The following RPS6KA6 variants were observed in gnomAD, a reference collection of about 807,000 sequenced individuals.
The protein encoded by RPS6KA6 is ribosomal protein S6 kinase alpha-6.
RPS6KA6 carries 27 observed loss-of-function variants against 65.4 expected under a neutral mutation model. That is an observed-to-expected ratio of 0.41 (90% CI 0.30 to 0.57). The LOEUF (loss-of-function observed/expected upper bound fraction) is 0.57. RPS6KA6 is among the 20% of genes least tolerant of loss of function. The probability of loss-of-function intolerance (pLI) is 0.24; values close to 1 mark genes in which losing one functional copy is unlikely to be tolerated. For missense variants in RPS6KA6, 486 were observed against 555.6 expected (o/e 0.87, Z 1.26); for synonymous variants, 190 against 184.2 (o/e 1.03, Z -0.26).
In RPS6KA6 at chrX:84,062,962, A is replaced by AGCT. The variant is rs2033325936; in HGVS notation, c.*1312_*1314dup. On this transcript the variant is annotated 3_prime_UTR_variant, in exon 22 of 22. Transcript: ENST00000262752. ...TAGTAGTAGTAGTAGTAGCAGTAGT[A>AGCT]GCTGCTGCTGTTGTTGTAGCAACGG... 9.0e-6 allele frequency: 1 copy of AGCT among 110,803 alleles called. No individual in the cohort carries two copies. Among genetic ancestry groups the AGCT allele is most frequent in the Admixed American group, 9.7e-5 (1 of 10,303 alleles). 9.1% of individuals were successfully genotyped at this position (110,803 alleles called of 1,213,427 possible).
intron 20 of RPS6KA6, among the ~76,000 whole-genome samples, chrX:84,077,287 AAAC>A (rs766089313): frequency 6.4e-4 from 71 of 111,413 alleles, no homozygotes; most frequent in East Asian, 2.8e-4. Flanking sequence ...CAAAATAGCA[AAAC>A]AACAACAAAA....
intron 20 of RPS6KA6, among the ~76,000 whole-genome samples, chrX:84,095,261 C>A (rs1283931992): frequency 1.8e-5 from 2 of 112,288 alleles, no homozygotes; most frequent in Non-Finnish European, 3.8e-5. Context: ...CACATGTTAA[C>A]TATAAGCAAT....
At chrX:84,136,168 G>C (rs1196097485) in intron 6 of RPS6KA6, among the ~76,000 whole-genome samples, 1 of 111,661 alleles carries the variant, frequency 9.0e-6, no homozygotes, top group East Asian at 2.8e-4. Context: ...TCAGCCATTA[G>C]ATGTAATTTT....
At chrX:84,078,412 AACACATGACT>A (rs777550485) in intron 20 of RPS6KA6, among the ~76,000 whole-genome samples, 1 of 111,327 alleles carries the variant, frequency 9.0e-6, no homozygotes, top group Non-Finnish European at 1.9e-5. Context: ...TAAAACATTA[AACACATGACT>A]CAATCATTCT....
chrX:84,150,064 T>G (rs1476689197), intron 3 of RPS6KA6, among the ~76,000 whole-genome samples: 1 of 83,844 alleles, frequency 1.2e-5, no homozygotes, highest in Non-Finnish European at 2.7e-5. Flanking sequence ...ACTTTTATGT[T>G]ACGAAAATGG....
chrX:84,064,046 G>A lies in RPS6KA6; in HGVS notation c.*231C>T, dbSNP rs1016548519. ...TGCAGAGAAGTTGTGAGGACCTGGT[G>A]GACACCAATTATATGCTTAAATAAA... On this transcript the variant is annotated 3_prime_UTR_variant, in exon 22 of 22. Coordinates refer to ENST00000262752, the MANE Select transcript of RPS6KA6 (RefSeq NM_014496.5). 1.9e-5 allele frequency: 6 copies of A among 320,165 alleles called. No homozygotes were observed. Among genetic ancestry groups the A allele is most frequent in the African/African-American group, 1.6e-4 (6 of 37,372 alleles). 26.4% of individuals were successfully genotyped at this position (320,165 alleles called of 1,213,427 possible).
chrX:84,109,002 C>T (rs1356885878), intron 12 of RPS6KA6, among the ~76,000 whole-genome samples: 1 of 111,930 alleles, frequency 8.9e-6, no homozygotes, highest in African/African-American at 3.3e-5. Context: ...TAGAGCCCAG[C>T]CCCCAGAGGC....
At chrX:84,139,670 C>T (rs573218531) in intron 6 of RPS6KA6, among the ~76,000 whole-genome samples, 3 of 112,043 alleles carry the variant, frequency 2.7e-5, no homozygotes, top group South Asian at 7.4e-4. Context: ...GAACTACTAT[C>T]ACCCAATTAA....
At chrX:84,150,908 T>TATAG (rs1477335715) in intron 3 of RPS6KA6, among the ~76,000 whole-genome samples, 10 of 91,043 alleles carry the variant, frequency 1.1e-4, no homozygotes, top group African/African-American at 3.9e-4. Flanking sequence ...ATAGGATATA[T>TATAG]AGAGAGGATA....
At chrX:84,141,878 C>T (rs1437957225) in intron 6 of RPS6KA6, among the ~76,000 whole-genome samples, 1 of 110,781 alleles carries the variant, frequency 9.0e-6, no homozygotes, top group Non-Finnish European at 1.9e-5. Context: ...ATATATGAAA[C>T]AAAAACTAAC....
chrX:84,180,560 GTAAT>G (rs1172285767), intron 1 of RPS6KA6, among the ~76,000 whole-genome samples: 4 of 111,740 alleles, frequency 3.6e-5, no homozygotes, highest in Non-Finnish European at 5.7e-5. Flanking sequence ...ATCCAATAGA[GTAAT>G]TCCTTATTTT....
chrX:84,077,137 A>T (rs762194732), intron 20 of RPS6KA6, among the ~76,000 whole-genome samples: 1 of 111,624 alleles, frequency 9.0e-6, no homozygotes, highest in African/African-American at 3.2e-5. Context: ...AGATAAGAAA[A>T]GTCAATGCTG....
At chrX:84,089,716 G>A (rs1373237699) in intron 20 of RPS6KA6, among the ~76,000 whole-genome samples, 6 of 111,039 alleles carry the variant, frequency 5.4e-5, no homozygotes, top group East Asian at 5.7e-4. Context: ...CTTTGTCTCC[G>A]TGCCACTCTG....
intron 15 of RPS6KA6, 31 bp downstream of exon 15, chrX:84,106,330 AAAAC>A: frequency 5.1e-6 from 6 of 1,177,357 alleles, no homozygotes; most frequent in Non-Finnish European, 6.9e-6. Context: ...TTACATGCAT[AAAAC>A]AAACAAGAAA....
At position 84,105,805 on chromosome X, in the gene RPS6KA6, G is replaced by T; in HGVS notation, c.1437C>A (p.Asn479Lys). 8.7e-7 allele frequency: 1 copy of T among 1,145,946 alleles called. No individual in the cohort carries two copies. The highest frequency in any genetic ancestry group is 1.9e-5 in the South Asian group (1 of 51,500). The allele number at this position is 1,145,946 out of a possible 1,213,427, so 94.4% of individuals were successfully genotyped here. ...EILMRYGQHPNIITLKDVFDD... is the reference protein window; with the variant it reads ...EILMRYGQHPKIITLKDVFDD... Reference sequence around the variant, plus strand: ...TACCTACATCCTTCAAAGTAATAATGTTGGGATGTTGTCCATAGCGCATCA... The same window carrying T: ...TACCTACATCCTTCAAAGTAATAATTTTGGGATGTTGTCCATAGCGCATCA... Residue 479 changes from asparagine (N) to lysine (K), a missense_variant, in exon 16 of 22, where the codon AAC becomes AAA. Physicochemically the swap from Asn to Lys is moderately conservative, Grantham distance 94. This residue lies in a region of RPS6KA6 where 345 missense variants were observed against 375.0 expected (regional missense o/e 0.92). Transcript: ENST00000262752.
At chrX:84,070,312 G>C (rs1449233260) in intron 20 of RPS6KA6, among the ~76,000 whole-genome samples, 1 of 110,695 alleles carries the variant, frequency 9.0e-6, no homozygotes, top group East Asian at 2.8e-4. Context: ...CAAAACACCA[G>C]GTATTCTCAC....
chrX:84,098,694 G>A (rs1232943681), intron 18 of RPS6KA6, among the ~76,000 whole-genome samples: 3 of 110,834 alleles, frequency 2.7e-5, no homozygotes, highest in Non-Finnish European at 5.7e-5. Flanking sequence ...TCTATAAAAG[G>A]CTAAAAATGT....
intron 12 of RPS6KA6, among the ~76,000 whole-genome samples, chrX:84,115,084 G>T (rs916556538): frequency 6.1e-4 from 68 of 111,935 alleles, no homozygotes; most frequent in African/African-American, 2.2e-3. Flanking sequence ...AAAAGCAAAT[G>T]CAACAAAAAC....
In RPS6KA6 at chrX:84,148,079, G is replaced by A; in HGVS notation, c.303C>T (p.Leu101=). 8.5e-7 allele frequency: 1 copy of A among 1,180,686 alleles called. No individual in the cohort carries two copies. Among genetic ancestry groups the A allele is most frequent in the Non-Finnish European group, 1.1e-6 (1 of 878,684 alleles). Residue 101 remains leucine (L), a synonymous_variant, in exon 4 of 22, where the codon CTC becomes CTT. Transcript: ENST00000262752. ...RKKTGPDAGQ[L]YAMKVLKKAS... ...CTTTTTTTAACACCTTCATTGCATA[G>A]AGCTGCCCAGCATCAGGACCGGTCT...
Sources: gnomAD v4.1 joint callset for allele counts (sites outside exome capture counted in the v4.1 genomes callset) on GRCh38, gnomAD v4.1.1 for gene constraint, gnomAD v4.1.1 regional missense constraint, MANE v1.5 for transcripts, NCBI Gene and HGNC (gene_info 2026-07-23, HGNC 2026-07-21) for gene names.